The following CAMSAP3 variants were observed in gnomAD, a reference collection of about 807,000 sequenced individuals.
CAMSAP3 encodes calmodulin regulated spectrin associated protein family member 3, also known as calmodulin-regulated spectrin-associated protein 3.
A neutral mutation model predicts 112.5 loss-of-function variants in CAMSAP3; 34 were observed. That is an observed-to-expected ratio of 0.30 (90% CI 0.23 to 0.40). The LOEUF (loss-of-function observed/expected upper bound fraction) is 0.40, where lower values mean the gene tolerates loss of function less well. CAMSAP3 is among the 10% of genes least tolerant of loss of function. CAMSAP3 has a pLI of 1.00. For synonymous variants in CAMSAP3, 868 were observed against 799.8 expected, an observed-to-expected ratio of 1.09 and a Z score of -1.44; for missense variants, 1,602 against 1,770.3, an observed-to-expected ratio of 0.90 and a Z score of 1.71.
Position 7,617,177 on chromosome 19 carries a change from G to T in CAMSAP3, c.3213-149G>T. 2 of 655,774 alleles carry T rather than the reference G, an allele frequency of 3.0e-6. No individual in the cohort carries two copies. 40.6% of individuals were successfully genotyped at this position (655,774 alleles called of 1,614,324 possible). On this transcript the variant is annotated intron_variant, in intron 14 of 16. Coordinates refer to ENST00000160298, the MANE Select transcript of CAMSAP3 (RefSeq NM_020902.2). The surrounding 1 kb of genome is among the most constrained non-coding windows in gnomAD (Gnocchi z 7.5). ...AGTGATCTGCCCGCTTTGGCCTCCC[G>T]AAGTGCTGGGATTACAGGCATGAGC... is the stretch of plus-strand genomic sequence containing the variant.
intron 4 of CAMSAP3, 126 bp downstream of exon 4, chr19:7,606,697 C>T (rs373172081): frequency 2.2e-4 from 358 of 1,593,844 alleles, no homozygotes; most frequent in Non-Finnish European, 3.0e-4. Context: ...TCTTTCTTCC[C>T]CCCTCTCTCA....
At position 7,610,605 on chromosome 19, in the gene CAMSAP3, C is replaced by T. The variant is rs375404607; in HGVS notation, c.890C>T (p.Pro297Leu). The change falls in exon 6 of 17, where the codon CCG (proline) becomes CTG (leucine). Residue 297 changes from proline to leucine, a missense_variant. By Grantham distance (98) the Pro-to-Leu change is moderately conservative. Transcript: ENST00000160298. This position sits in a 1 kb window ranked among gnomAD's most constrained non-coding sequence, Gnocchi z 4.9. ...CTTGAGGACTTGCTGTACGTCCCAC[C>T]GCCACTCAAGGTAAGGCCATCCTGG... ...LSLEDLLYVP[P>L]PLKVNLVVML... The T allele has an allele frequency of 2.1e-5, 34 of 1,613,488 alleles. No individual in the cohort carries two copies. Among genetic ancestry groups the T allele is most frequent in the Admixed American group, 1.3e-4 (8 of 59,998 alleles).
rs1388638558 is a variant in CAMSAP3, at chr19:7,595,883, G to A, written c.-120G>A. On this transcript the variant is annotated 5_prime_UTR_variant, in exon 1 of 17. Coordinates refer to ENST00000160298, the MANE Select transcript of CAMSAP3 (RefSeq NM_020902.2). Reference sequence around the variant, plus strand: ...CGGCCGCACCTGGCTCAGCAGCGGCGGCGGCGGCGGCGGCGGCAGCGGCGG... The same window carrying A: ...CGGCCGCACCTGGCTCAGCAGCGGCAGCGGCGGCGGCGGCGGCAGCGGCGG... 5.4e-5 allele frequency: 19 copies of A among 352,200 alleles called. No homozygotes were observed. Among genetic ancestry groups the A allele is most frequent in the East Asian group, 1.6e-4 (1 of 6,212 alleles). 21.8% of individuals were successfully genotyped at this position (352,200 alleles called of 1,614,324 possible).
intron 5 of CAMSAP3, among the ~76,000 whole-genome samples, chr19:7,609,657 T>C (rs2030377186): frequency 6.6e-6 from 1 of 152,136 alleles, no homozygotes; most frequent in Non-Finnish European, 1.5e-5. Flanking sequence ...ATCTAATACG[T>C]TGTAACATAG....
intron 1 of CAMSAP3, among the ~76,000 whole-genome samples, chr19:7,604,808 CG>C (rs2030122905): frequency 6.6e-6 from 1 of 152,158 alleles, no homozygotes; most frequent in African/African-American, 2.4e-5. Flanking sequence ...TGCCTCCTAG[CG>C]TTGATGTAAG....
rs367558365 is a variant in CAMSAP3, at chr19:7,606,479, G to C, written c.529G>C (p.Val177Leu). 11 of 1,593,204 alleles carry C rather than the reference G, an allele frequency of 6.9e-6. No homozygotes were observed. The highest frequency in any genetic ancestry group is 1.7e-5 in the Admixed American group (1 of 57,924). Residue 177 changes from valine (V) to leucine (L), a missense_variant, in exon 4 of 17, where the codon GTC becomes CTC. Val to Leu is a conservative substitution (Grantham distance 32). This residue lies in a region of CAMSAP3 where 112 missense variants were observed against 94.2 expected (regional missense o/e 1.19). Transcript: ENST00000160298. ...TGACCCCCTCCCTGCCCTCCAGACC[G>C]TCCGGCGGCTGCAGGAGAAGACCGA... ...HKLLFWVDTT[V>L]RRLQEKTEQE... is the part of the protein sequence containing the mutation.
chr19:7,602,478 A>G (rs1006879799), intron 1 of CAMSAP3, among the ~76,000 whole-genome samples: 2 of 152,152 alleles, frequency 1.3e-5, no homozygotes, highest in African/African-American at 4.8e-5. Context: ...AGACGTGCCC[A>G]AGGCCGGGGC....
intron 1 of CAMSAP3, among the ~76,000 whole-genome samples, chr19:7,601,620 G>A (rs1195134189): frequency 1.3e-5 from 2 of 151,934 alleles, no homozygotes; most frequent in South Asian, 2.1e-4. Flanking sequence ...GCACATGCCT[G>A]TAGTCCCAGC....
At position 7,617,235 on chromosome 19, in the gene CAMSAP3, G is replaced by C. The variant is rs1405310875; in HGVS notation, c.3213-91G>C. ...CCCAGCCGTGGCCCTTATTTTCCTT[G>C]GCCCCTCTGCACATAGGGAAGCTTC... On this transcript the variant is annotated intron_variant, in intron 14 of 16. Coordinates refer to ENST00000160298, the MANE Select transcript of CAMSAP3 (RefSeq NM_020902.2). The surrounding 1 kb of genome is among the most constrained non-coding windows in gnomAD (Gnocchi z 7.5). The C allele has an allele frequency of 5.5e-6, 5 of 904,636 alleles. No homozygotes were observed. Among genetic ancestry groups the C allele is most frequent in the Non-Finnish European group, 7.3e-6 (4 of 544,560 alleles). 56.0% of individuals were successfully genotyped at this position (904,636 alleles called of 1,614,324 possible). A position where few individuals can be genotyped will look rare whatever the true frequency, so the allele number is the denominator to read the frequency against.
At position 7,611,813 on chromosome 19, in the gene CAMSAP3, C is replaced by G. The variant is rs754549842; in HGVS notation, c.1320C>G (p.Pro440=). The change falls in exon 11 of 17, where the codon CCC becomes CCG. Residue 440 remains proline, a synonymous_variant. Coordinates refer to ENST00000160298, the MANE Select transcript of CAMSAP3 (RefSeq NM_020902.2). The surrounding 1 kb of genome is among the most constrained non-coding windows in gnomAD (Gnocchi z 6.9). ...VSSDSLGPPR[P]APARTPTQPP... ...CGGACAGCCTGGGCCCCCCGCGTCC[C>G]GCGCCGGCCAGGACCCCCACCCAGC... The G allele has an allele frequency of 2.8e-5, 45 of 1,593,638 alleles. No individual in the cohort carries two copies. Among genetic ancestry groups the G allele is most frequent in the Admixed American group, 2.2e-4 (13 of 58,492 alleles).
Position 7,615,133 on chromosome 19 carries a change from A to G in CAMSAP3, c.2671-50A>G. ...CTGGGTGGAGGGAAGATGGGCCTCC[A>G]GCCATGTTGGGGGAGGGGGTGGCTG... is the stretch of plus-strand genomic sequence containing the variant. On this transcript the variant is annotated intron_variant, in intron 11 of 16. Transcript: ENST00000160298. This position sits in a 1 kb window ranked among gnomAD's most constrained non-coding sequence, Gnocchi z 6.5. The G allele has an allele frequency of 6.5e-7, 1 of 1,549,534 alleles. No homozygotes were observed. Among genetic ancestry groups the G allele is most frequent in the Non-Finnish European group, 8.7e-7 (1 of 1,146,164 alleles).
Position 7,612,729 on chromosome 19 carries a change from C to T in CAMSAP3, c.2236C>T (p.Pro746Ser). The stretch of plus-strand genomic sequence containing the variant: ...CCCACCACCTGCTGCGTGGGTCATC[C>T]CTGGCCCCACGACGGGGCCCAAAGC... ...SAPPPAAWVIPGPTTGPKAAS... is the reference protein window; with the variant it reads ...SAPPPAAWVISGPTTGPKAAS... The change falls in exon 11 of 17, where the codon CCT (proline) becomes TCT (serine). Residue 746 changes from proline to serine, a missense_variant. Physicochemically the swap from Pro to Ser is moderately conservative, Grantham distance 74. Coordinates refer to ENST00000160298, the MANE Select transcript of CAMSAP3 (RefSeq NM_020902.2). The T allele has an allele frequency of 6.5e-7, 1 of 1,532,058 alleles. No individual in the cohort carries two copies. The highest frequency in any genetic ancestry group is 8.7e-7 in the Non-Finnish European group (1 of 1,144,746). The allele number at this position is 1,532,058 out of a possible 1,614,324, so 94.9% of individuals were successfully genotyped here.
intron 1 of CAMSAP3, among the ~76,000 whole-genome samples, chr19:7,601,879 C>T (rs1343493271): frequency 4.0e-5 from 6 of 151,438 alleles, no homozygotes; most frequent in African/African-American, 4.9e-5. Flanking sequence ...GCCTGGTCAA[C>T]GTGGTGAAAC....
chr19:7,617,262 C>A lies in CAMSAP3; in HGVS notation c.3213-64C>A. On this transcript the variant is annotated intron_variant, in intron 14 of 16. Transcript: ENST00000160298. This position sits in a 1 kb window ranked among gnomAD's most constrained non-coding sequence, Gnocchi z 7.5. Reference sequence around the variant, plus strand: ...CCCCTCTGCACATAGGGAAGCTTCCCATCTCTGACCCCACCTCCATCCCAT... The same window carrying A: ...CCCCTCTGCACATAGGGAAGCTTCCAATCTCTGACCCCACCTCCATCCCAT... 8.6e-7 allele frequency: 1 copy of A among 1,160,046 alleles called. No homozygotes were observed. The highest frequency in any genetic ancestry group is 1.3e-6 in the Non-Finnish European group (1 of 768,436). 71.9% of individuals were successfully genotyped at this position (1,160,046 alleles called of 1,614,324 possible).
chr19:7,612,133 C>G lies in CAMSAP3; in HGVS notation c.1640C>G (p.Ser547Cys). The change falls in exon 11 of 17, where the codon TCC becomes TGC. Residue 547 changes from serine to cysteine, a missense_variant. Transcript: ENST00000160298. Reference protein sequence around the residue: ...ASKPPAPSEGSPKAVASSPAA... With the variant: ...ASKPPAPSEGCPKAVASSPAA... Reference sequence around the variant, plus strand: ...AAACCGCCAGCCCCATCCGAGGGGTCCCCGAAGGCGGTGGCTTCGTCCCCA... The same window carrying G: ...AAACCGCCAGCCCCATCCGAGGGGTGCCCGAAGGCGGTGGCTTCGTCCCCA... 1 of 1,612,684 alleles carries G rather than the reference C, an allele frequency of 6.2e-7. No individual in the cohort carries two copies.
In CAMSAP3 at chr19:7,596,083, C is replaced by A; in HGVS notation, c.81C>A (p.Tyr27Ter). The A allele has an allele frequency of 7.8e-7, 1 of 1,275,584 alleles. No homozygotes were observed. Among genetic ancestry groups the A allele is most frequent in the Non-Finnish European group, 1.0e-6 (1 of 982,870 alleles). 79.0% of individuals were successfully genotyped at this position (1,275,584 alleles called of 1,614,324 possible). Residue 27 changes from tyrosine (Y) to a stop codon, truncating the protein, a stop_gained, in exon 1 of 17, where the codon TAC becomes TAA. Coordinates refer to ENST00000160298, the MANE Select transcript of CAMSAP3 (RefSeq NM_020902.2). LOFTEE classifies it high-confidence loss of function. ...LVPEIKSLDQYDFSRAKAAAS... is the reference protein window; with the variant it reads ...LVPEIKSLDQ The stretch of plus-strand genomic sequence containing the variant: ...CCGAGATCAAGTCGCTGGACCAGTA[C>A]GATTTCTCGCGGGCCAAGGCGGCGG...
At chr19:7,616,085 A>C (rs2146176733) in intron 13 of CAMSAP3, among the ~76,000 whole-genome samples, 1 of 151,962 alleles carries the variant, frequency 6.6e-6, no homozygotes, top group South Asian at 2.1e-4. Context: ...TACTTGGGAG[A>C]CTGAGGCAGG....
intron 2 of CAMSAP3, 59 bp from the exon 3 acceptor site, chr19:7,606,212 G>C: frequency 1.3e-6 from 2 of 1,585,980 alleles, no homozygotes; most frequent in Non-Finnish European, 1.7e-6. Context: ...AGGCCCTTGG[G>C]GGCCGAGGTG....
At chr19:7,599,455 AC>A (rs1568437723) in intron 1 of CAMSAP3, among the ~76,000 whole-genome samples, 1 of 59,060 alleles carries the variant, frequency 1.7e-5, no homozygotes, top group East Asian at 5.5e-4. Flanking sequence ...TCATCCATCC[AC>A]CCACCCACCC....
Sources: gnomAD v4.1 joint callset for allele counts (sites outside exome capture counted in the v4.1 genomes callset) on GRCh38, gnomAD v4.1.1 for gene constraint, gnomAD v4.1.1 regional missense constraint, Gnocchi (gnomAD v3.1) non-coding constraint, MANE v1.5 for transcripts, NCBI Gene and HGNC (gene_info 2026-07-23, HGNC 2026-07-21) for gene names.